The following CNTN1 variants were observed in gnomAD, a reference collection of about 807,000 sequenced individuals.
The protein encoded by CNTN1 is contactin-1.
CNTN1 carries 38 observed loss-of-function variants against 126.4 expected under a neutral mutation model. That is an observed-to-expected ratio of 0.30 (90% CI 0.23 to 0.39). CNTN1 has a LOEUF of 0.39. Ranked by LOEUF, CNTN1 falls within the 10% of genes least tolerant of loss-of-function variation. The pLI, the probability that CNTN1 is intolerant of heterozygous loss-of-function variation, is 1.00. For missense variants in CNTN1, 1,009 were observed against 1,248.4 expected (o/e 0.81, Z 2.89); for synonymous variants, 413 against 422.6 (o/e 0.98, Z 0.28).
intron 1 of CNTN1, among the ~76,000 whole-genome samples, chr12:40,840,041 G>A (rs1471478374): frequency 6.6e-6 from 1 of 152,008 alleles, no homozygotes; most frequent in Non-Finnish European, 1.5e-5. Flanking sequence ...CCACTTAAAA[G>A]TTATAGACTG....
chr12:40,953,215 G>A (rs79455666), intron 14 of CNTN1, among the ~76,000 whole-genome samples: 18 of 152,208 alleles, frequency 1.2e-4, no homozygotes, highest in Non-Finnish European at 2.4e-4. Flanking sequence ...ATACACTTTG[G>A]AACATCCCTG....
intron 1 of CNTN1, among the ~76,000 whole-genome samples, chr12:40,814,236 A>G (rs950982878): frequency 6.6e-6 from 1 of 152,110 alleles, no homozygotes; most frequent in Non-Finnish European, 1.5e-5. Context: ...TTTTGTTGCA[A>G]TTACTTTTGG....
intron 23 of CNTN1, among the ~76,000 whole-genome samples, chr12:41,068,657 G>A (rs944968060): frequency 1.3e-5 from 2 of 152,190 alleles, no homozygotes; most frequent in East Asian, 1.9e-4. Context: ...AATATAAAAG[G>A]ACCATGCCAA....
At chr12:40,845,368 A>G (rs1942459786) in intron 1 of CNTN1, among the ~76,000 whole-genome samples, 1 of 152,252 alleles carries the variant, frequency 6.6e-6, no homozygotes, top group African/African-American at 2.4e-5. Context: ...TACAAATTAG[A>G]CAATGCAAGA....
At chr12:40,895,216 C>T (rs1818682131) in intron 1 of CNTN1, among the ~76,000 whole-genome samples, 1 of 152,122 alleles carries the variant, frequency 6.6e-6, no homozygotes, top group Admixed American at 6.5e-5. Flanking sequence ...TATTCATAGT[C>T]ATCCTGGGAA....
At chr12:41,042,664 G>A (rs893266187) in intron 23 of CNTN1, among the ~76,000 whole-genome samples, 7 of 151,990 alleles carry the variant, frequency 4.6e-5, no homozygotes, top group African/African-American at 1.7e-4. Flanking sequence ...AAGTTCATAT[G>A]GAACCAAAAA....
chr12:40,985,534 T>C (rs1192599020), intron 16 of CNTN1, among the ~76,000 whole-genome samples: 1 of 152,188 alleles, frequency 6.6e-6, no homozygotes, highest in African/African-American at 2.4e-5. Context: ...AAAAACATTG[T>C]TCTGTTGTCT....
intron 1 of CNTN1, among the ~76,000 whole-genome samples, chr12:40,904,549 C>T (rs920495695): frequency 6.6e-6 from 1 of 152,122 alleles, no homozygotes; most frequent in Admixed American, 6.5e-5. Context: ...CTGCTTCAGC[C>T]TCCCAAGTAG....
chr12:40,738,746 C>T (rs1171142453), intron 1 of CNTN1, among the ~76,000 whole-genome samples: 1 of 151,956 alleles, frequency 6.6e-6, no homozygotes, highest in Non-Finnish European at 1.5e-5. Context: ...ATGGCACTAA[C>T]AGTCAAAGAA....
intron 20 of CNTN1, among the ~76,000 whole-genome samples, chr12:41,023,006 C>T (rs966686352): frequency 6.6e-6 from 1 of 151,964 alleles, no homozygotes; most frequent in Non-Finnish European, 1.5e-5. Context: ...AGGAAATGCT[C>T]CTGTGACTGT....
rs76037890 is a variant in CNTN1, at chr12:40,861,847, G to A, written c.-76-46510G>A. Reference sequence around the variant, plus strand: ...CAGTGTACTTCCAGTTCTTTCTGCCGTCACTGTTACTGTTGTCATACATGG... The same window carrying A: ...CAGTGTACTTCCAGTTCTTTCTGCCATCACTGTTACTGTTGTCATACATGG... On this transcript the variant is annotated intron_variant, in intron 1 of 23. Coordinates refer to ENST00000551295, the MANE Select transcript of CNTN1 (RefSeq NM_001843.4). 9.1e-3 allele frequency among the ~76,000 whole-genome samples: 1,389 copies of A among 151,848 alleles called. 19 individuals carry two copies. Among genetic ancestry groups the A allele is most frequent in the African/African-American group, 0.032 (1,313 of 41,372 alleles).
intron 6 of CNTN1, among the ~76,000 whole-genome samples, chr12:40,927,325 T>A (rs909253775): frequency 6.6e-6 from 1 of 152,026 alleles, no homozygotes; most frequent in South Asian, 2.1e-4. Flanking sequence ...GTCTGTTGAG[T>A]CCTTGAAAGA....
intron 14 of CNTN1, among the ~76,000 whole-genome samples, chr12:40,952,885 G>T (rs2136985760): frequency 6.6e-6 from 1 of 152,196 alleles, no homozygotes; most frequent in East Asian, 1.9e-4. Context: ...TTATGTTTGT[G>T]AAACATATTC....
chr12:40,787,391 T>C (rs566046524), intron 1 of CNTN1, among the ~76,000 whole-genome samples: 2 of 152,318 alleles, frequency 1.3e-5, no homozygotes, highest in African/African-American at 4.8e-5. Context: ...CAGCTGCATC[T>C]TTCAGTGTCA....
chr12:40,943,731 T>C lies in CNTN1; in HGVS notation c.1507+7T>C. On this transcript the variant is annotated splice_region_variant and intron_variant, in intron 13 of 23. Transcript: ENST00000551295. The stretch of plus-strand genomic sequence containing the variant: ...GGAACCCTTGTTATCACAGGTAAGT[T>C]AATGTTTGAGGGTGCTTAATTTCTA... The C allele has an allele frequency of 6.2e-7, 1 of 1,612,584 alleles. No homozygotes were observed. Among genetic ancestry groups the C allele is most frequent in the African/African-American group, 1.3e-5 (1 of 74,962 alleles).
chr12:41,037,501 A>G (rs1041381897), intron 23 of CNTN1, among the ~76,000 whole-genome samples: 1 of 152,126 alleles, frequency 6.6e-6, no homozygotes, highest in Non-Finnish European at 1.5e-5. Context: ...TAAATACACT[A>G]TGCCTTCTAG....
At chr12:40,864,477 G>T (rs1221718398) in intron 1 of CNTN1, among the ~76,000 whole-genome samples, 2 of 151,800 alleles carry the variant, frequency 1.3e-5, no homozygotes, top group South Asian at 2.1e-4. Flanking sequence ...ATAAGTGTTG[G>T]CTTCATTCTG....
intron 1 of CNTN1, among the ~76,000 whole-genome samples, chr12:40,856,301 A>G (rs1322194003): frequency 6.6e-6 from 1 of 152,128 alleles, no homozygotes; most frequent in Non-Finnish European, 1.5e-5. Context: ...GAAAGACATT[A>G]GAAAGAAAGA....
At chr12:41,057,393 A>T (rs1043182668) in intron 23 of CNTN1, among the ~76,000 whole-genome samples, 5 of 151,760 alleles carry the variant, frequency 3.3e-5, no homozygotes, top group Admixed American at 1.3e-4. Flanking sequence ...ACACTTAAAA[A>T]TCTCACATGT....
Sources: allele counts gnomAD v4.1 joint callset (sites outside exome capture counted in the v4.1 genomes callset), GRCh38; gene constraint gnomAD v4.1.1; transcripts MANE v1.5; gene names NCBI Gene and HGNC (gene_info 2026-07-23, HGNC 2026-07-21).